TCF25: variants seen among roughly 807,000 people sequenced by gnomAD.
The protein encoded by TCF25 is TCF25 ribosome quality control complex subunit.
TCF25 carries 41 observed loss-of-function variants against 83.1 expected under a neutral mutation model. The ratio of observed to expected loss-of-function variants is 0.49; its 90% CI spans 0.38 to 0.64. The LOEUF (loss-of-function observed/expected upper bound fraction) is 0.64. Ranked by LOEUF, TCF25 falls within the 30% of genes least tolerant of loss-of-function variation. TCF25 has a pLI of 0.00. For synonymous variants in TCF25, 458 were observed against 365.0 expected (o/e 1.25, Z -2.90); for missense variants, 979 against 914.5 (o/e 1.07, Z -0.91).
At chr16:89,880,258 T>C (rs2042511719) in intron 1 of TCF25, among the ~76,000 whole-genome samples, 1 of 152,242 alleles carries the variant, frequency 6.6e-6, no homozygotes, top group Admixed American at 6.5e-5. Context: ...AGAATTTTTT[T>C]TCTTAGGAAG....
intron 3 of TCF25, among the ~76,000 whole-genome samples, chr16:89,885,562 C>T (rs1259313756): frequency 6.6e-6 from 1 of 152,172 alleles, no homozygotes; most frequent in Non-Finnish European, 1.5e-5. Context: ...AGCCACAAGT[C>T]CCAACCCTGT....
rs181875828 is a variant in TCF25, at chr16:89,877,260, A to G, written c.192+3401A>G. 3.1e-3 allele frequency among the ~76,000 whole-genome samples: 478 copies of G among 152,104 alleles called. 2 individuals carry two copies. The highest frequency in any genetic ancestry group is 9.4e-3 in the African/African-American group (392 of 41,506). On this transcript the variant is annotated intron_variant, in intron 1 of 17. Coordinates refer to ENST00000263346, the MANE Select transcript of TCF25 (RefSeq NM_014972.3). ...GCTCTATTGCCCAGGCTGGAGTTCA[A>G]TGTCACAATTATAACTCACTGTAAT...
intron 5 of TCF25, among the ~76,000 whole-genome samples, chr16:89,888,057 G>A (rs2144059266): frequency 6.6e-6 from 1 of 151,122 alleles, no homozygotes; most frequent in East Asian, 2.0e-4. Flanking sequence ...CCTGAAGTCA[G>A]GAGTTTGAGA....
intron 2 of TCF25, chr16:89,883,733 C>T: frequency 1.8e-6 from 1 of 551,320 alleles, no homozygotes; most frequent in Non-Finnish European, 3.2e-6. Context: ...AGAGTCTGCG[C>T]CTGCCCAGCA....
At chr16:89,900,491 C>A in intron 11 of TCF25, 144 bp from the exon 12 acceptor site, 1 of 870,812 alleles carries the variant, frequency 1.1e-6, no homozygotes, top group Non-Finnish European at 1.6e-6. Flanking sequence ...TATCTTTATG[C>A]TGAGTTAGGA....
chr16:89,890,152 G>A (rs1450017748), intron 5 of TCF25: 1 of 152,448 alleles, frequency 6.6e-6, no homozygotes, highest in African/African-American at 2.4e-5. Context: ...TTACAGCCCT[G>A]AGCCACTGCG....
chr16:89,896,474 G>A (rs900064207), intron 9 of TCF25, among the ~76,000 whole-genome samples: 3 of 152,034 alleles, frequency 2.0e-5, no homozygotes, highest in East Asian at 1.9e-4. Context: ...TTGGGAGGCC[G>A]AGGTGGGAGG....
chr16:89,882,433 G>A (rs1271071273), intron 1 of TCF25, among the ~76,000 whole-genome samples: 1 of 152,162 alleles, frequency 6.6e-6, no homozygotes, highest in Non-Finnish European at 1.5e-5. Flanking sequence ...AGCTACTTGG[G>A]AGGCTGAGGC....
intron 1 of TCF25, among the ~76,000 whole-genome samples, chr16:89,879,882 G>C (rs535950211): frequency 8.0e-5 from 12 of 150,268 alleles, no homozygotes; most frequent in South Asian, 2.1e-4. Flanking sequence ...CGTGTGCACA[G>C]ATGGGCTTCG....
chr16:89,889,199 T>G (rs1263251339), intron 5 of TCF25: 1 of 397,944 alleles, frequency 2.5e-6, no homozygotes, highest in East Asian at 8.1e-5. Context: ...TTTTTTTTAT[T>G]TATTTATTTT....
chr16:89,911,222 A>G lies in TCF25; in HGVS notation c.2015A>G (p.Glu672Gly). 6.2e-7 allele frequency: 1 copy of G among 1,612,036 alleles called. No individual in the cohort carries two copies. The highest frequency in any genetic ancestry group is 8.5e-7 in the Non-Finnish European group (1 of 1,179,826). Reference protein sequence around the residue: ...EAPHEDDAEGEGEWD With the variant: ...EAPHEDDAEGGGEWD ...CCGCACGAGGACGACGCTGAGGGGGAGGGGGAGTGGGACTGAGCGTCCGCA... is the reference window on the plus strand; with the variant it reads ...CCGCACGAGGACGACGCTGAGGGGGGGGGGGAGTGGGACTGAGCGTCCGCA... The change falls in exon 18 of 18, where the codon GAG becomes GGG. Residue 672 changes from glutamate (E) to glycine (G), a missense_variant. Transcript: ENST00000263346.
At position 89,896,100 on chromosome 16, in the gene TCF25, TG is replaced by T; in HGVS notation, c.1022+19del. ...CGAGAACAGGTGAGTGCAGCTGCCC[TG>T]GAGGTGACGCAGCTCCCCTTCCCTT... On this transcript the variant is annotated intron_variant, in intron 9 of 17. Coordinates refer to ENST00000263346, the MANE Select transcript of TCF25 (RefSeq NM_014972.3). 2 of 1,610,960 alleles carry T rather than the reference TG, an allele frequency of 1.2e-6. No homozygotes were observed. The highest frequency in any genetic ancestry group is 2.2e-5 in the East Asian group (1 of 44,818).
chr16:89,904,760 C>A, intron 13 of TCF25, 178 bp from the exon 14 acceptor site: 1 of 754,464 alleles, frequency 1.3e-6, no homozygotes, highest in Non-Finnish European at 2.3e-6. Flanking sequence ...AGGCTCACGG[C>A]ACATACCTGT....
Position 89,911,317 on chromosome 16 carries a change from A to G in TCF25, c.*79A>G. ...TGGTCGGAGTCGGCCAGTTGCCTGAAGTAGGGAAGCTGAGTGTGTCGCTCC... is the reference window on the plus strand; with the variant it reads ...TGGTCGGAGTCGGCCAGTTGCCTGAGGTAGGGAAGCTGAGTGTGTCGCTCC... On this transcript the variant is annotated 3_prime_UTR_variant, in exon 18 of 18. Transcript: ENST00000263346. 6.3e-7 allele frequency: 1 copy of G among 1,575,882 alleles called. No individual in the cohort carries two copies. The highest frequency in any genetic ancestry group is 8.7e-7 in the Non-Finnish European group (1 of 1,154,924).
intron 16 of TCF25, chr16:89,910,165 G>T: frequency 5.4e-6 from 1 of 186,790 alleles, no homozygotes; most frequent in Non-Finnish European, 1.1e-5. Context: ...GTCCTGTAGA[G>T]CCGGGCCGGT....
At chr16:89,895,927 A>T (rs2043815159) in intron 8 of TCF25, 63 bp from the exon 9 acceptor site, 1 of 1,438,554 alleles carries the variant, frequency 7.0e-7, no homozygotes, top group Non-Finnish European at 9.7e-7. Flanking sequence ...CCATTATCAG[A>T]GGAGGGGCCG....
intron 16 of TCF25, among the ~76,000 whole-genome samples, chr16:89,908,666 C>A (rs200672037): frequency 7.2e-6 from 1 of 138,554 alleles, no homozygotes. Context: ...TCCCAGCTCC[C>A]ACCTCCCTCC....
intron 6 of TCF25, among the ~76,000 whole-genome samples, chr16:89,893,095 G>A (rs1355432461): frequency 6.6e-6 from 1 of 152,218 alleles, no homozygotes; most frequent in Non-Finnish European, 1.5e-5. Flanking sequence ...GGGGTTCCAT[G>A]GCCATGTATT....
intron 1 of TCF25, among the ~76,000 whole-genome samples, chr16:89,879,207 A>G (rs1255532404): frequency 6.6e-6 from 1 of 150,524 alleles, no homozygotes; most frequent in East Asian, 2.0e-4. Context: ...GTCCGTGTAC[A>G]CAGATGGGCT....
Sources: gnomAD v4.1 joint callset for allele counts (sites outside exome capture counted in the v4.1 genomes callset) on GRCh38, gnomAD v4.1.1 for gene constraint, MANE v1.5 for transcripts, NCBI Gene and HGNC (gene_info 2026-07-23, HGNC 2026-07-21) for gene names.